Variants in GAS2 observed in about 807,000 individuals in gnomAD.
GAS2 encodes the protein growth arrest specific 2, also known as growth arrest-specific protein 2.
In GAS2, 20 loss-of-function variants were observed where a neutral mutation model predicts 37.5. The observed-to-expected ratio is 0.53, with a 90% CI of 0.37 to 0.77. The LOEUF (loss-of-function observed/expected upper bound fraction) is 0.77. Ranked by LOEUF, GAS2 falls within the 30% of genes least tolerant of loss-of-function variation. GAS2 has a pLI of 0.00. For synonymous variants in GAS2, 144 were observed against 132.2 expected, an observed-to-expected ratio of 1.09 and a Z score of -0.61; for missense variants, 336 against 373.4, an observed-to-expected ratio of 0.90 and a Z score of 0.82.
intron 3 of GAS2, among the ~76,000 whole-genome samples, chr11:22,717,758 C>T (rs1851749958): frequency 7.6e-6 from 1 of 132,356 alleles, no homozygotes; most frequent in South Asian, 2.8e-4. Context: ...CTACAAGGAA[C>T]TCAAACAAAT....
chr11:22,785,350 C>A (rs1855771295), intron 7 of GAS2, among the ~76,000 whole-genome samples: 3 of 152,100 alleles, frequency 2.0e-5, no homozygotes, highest in African/African-American at 7.2e-5. Context: ...CCTACCTAGC[C>A]TGTCTGATTC....
In GAS2 at chr11:22,812,791, T is replaced by C. The variant is rs1197084133; in HGVS notation, c.*775T>C. 1.3e-5 allele frequency: 2 copies of C among 152,624 alleles called. No individual in the cohort carries two copies. Among genetic ancestry groups the C allele is most frequent in the Non-Finnish European group, 2.9e-5 (2 of 68,008 alleles). The allele number at this position is 152,624 out of a possible 1,614,324, so 9.5% of individuals were successfully genotyped here. On this transcript the variant is annotated 3_prime_UTR_variant, in exon 8 of 8. Coordinates refer to ENST00000454584, the MANE Select transcript of GAS2 (RefSeq NM_001143830.3). ...TACAGTCAAATGTTCATTGATTTCA[T>C]GTTATTTCAAAGCATTTTCTTATTA...
intron 4 of GAS2, among the ~76,000 whole-genome samples, chr11:22,732,770 T>TATCATC (rs35919121): frequency 0.099 from 14,461 of 145,794 alleles, 804 homozygotes; most frequent in South Asian, 0.14. Context: ...CCCCTCCATT[T>TATCATC]ATCATCATCA....
intron 5 of GAS2, among the ~76,000 whole-genome samples, chr11:22,748,542 C>G (rs1278755810): frequency 6.6e-6 from 1 of 151,950 alleles, no homozygotes; most frequent in East Asian, 1.9e-4. Flanking sequence ...AGTTGTTTCC[C>G]AAAACAATAT....
intron 7 of GAS2, among the ~76,000 whole-genome samples, chr11:22,772,935 A>T (rs1855061452): frequency 6.6e-6 from 1 of 152,196 alleles, no homozygotes. Flanking sequence ...GCTGAGCTAC[A>T]CCAGTGGGCT....
At position 22,738,688 on chromosome 11, in the gene GAS2, A is replaced by G. The variant is rs947540959; in HGVS notation, c.473+920A>G. On this transcript the variant is annotated intron_variant, in intron 5 of 7. Transcript: ENST00000454584. Reference sequence around the variant, plus strand: ...AAATCAAGAAAAAAAATAGGTGAACACACCAGCAATTTACAACTTGGCTAG... The same window carrying G: ...AAATCAAGAAAAAAAATAGGTGAACGCACCAGCAATTTACAACTTGGCTAG... 2.6e-5 allele frequency among the ~76,000 whole-genome samples: 4 copies of G among 152,354 alleles called. No individual in the cohort carries two copies. In the East Asian group the frequency reaches 7.7e-4, roughly 29 times the overall value.
chr11:22,789,423 G>GATATATATATAT lies in GAS2; in HGVS notation c.724-22374_724-22373insTATATATATATA, dbSNP rs1491294585. 3.4e-4 allele frequency among the ~76,000 whole-genome samples: 24 copies of GATATATATATAT among 71,162 alleles called. No individual in the cohort carries two copies. The East Asian group carries it at 5.9e-3, about 18-fold the overall frequency. The allele number at this position is 71,162 out of a possible 152,430, so 46.7% of individuals were successfully genotyped here. A position where few individuals can be genotyped will look rare whatever the true frequency, so the allele number is the denominator to read the frequency against. On this transcript the variant is annotated intron_variant, in intron 7 of 7. Transcript: ENST00000454584. ...GTGTGTATGTGTGTGTATCTCATAT[G>GATATATATATAT]AGATATATATATATATATATATATA... is the stretch of plus-strand genomic sequence containing the variant.
intron 7 of GAS2, among the ~76,000 whole-genome samples, chr11:22,806,291 T>C (rs1856881630): frequency 6.6e-6 from 1 of 152,176 alleles, no homozygotes; most frequent in Non-Finnish European, 1.5e-5. Flanking sequence ...TTCTGTATTA[T>C]GGCTGAGTAG....
At chr11:22,725,590 T>C (rs1852161424) in intron 3 of GAS2, among the ~76,000 whole-genome samples, 1 of 152,018 alleles carries the variant, frequency 6.6e-6, no homozygotes, top group African/African-American at 2.4e-5. Flanking sequence ...AATACCTGGC[T>C]AATTTTTACT....
At chr11:22,644,662 C>T (rs941863744) in intron 1 of GAS2, among the ~76,000 whole-genome samples, 3 of 143,266 alleles carry the variant, frequency 2.1e-5, no homozygotes, top group Non-Finnish European at 3.1e-5. Flanking sequence ...GCTTTGTCAC[C>T]CAGGCTGCAG....
chr11:22,641,224 G>A (rs1848621573), intron 1 of GAS2, among the ~76,000 whole-genome samples: 6 of 133,964 alleles, frequency 4.5e-5, no homozygotes, highest in African/African-American at 1.3e-4. Context: ...ATATATGTGT[G>A]TGTGTATATA....
chr11:22,635,554 G>T (rs146888348), intron 1 of GAS2, among the ~76,000 whole-genome samples: 1 of 152,212 alleles, frequency 6.6e-6, no homozygotes, highest in Non-Finnish European at 1.5e-5. Context: ...CAGTAAAGGT[G>T]GCTTTCAAGC....
intron 1 of GAS2, among the ~76,000 whole-genome samples, chr11:22,651,678 A>G (rs931187518): frequency 6.6e-6 from 1 of 151,928 alleles, no homozygotes; most frequent in Non-Finnish European, 1.5e-5. Context: ...TTCATCTTAC[A>G]TCGCTGATAC....
At chr11:22,782,197 A>G (rs1855585398) in intron 7 of GAS2, among the ~76,000 whole-genome samples, 1 of 152,128 alleles carries the variant, frequency 6.6e-6, no homozygotes, top group African/African-American at 2.4e-5. Flanking sequence ...TCCCTCATCT[A>G]TATAAAGGGG....
At position 22,789,423 on chromosome 11, in the gene GAS2, GAGATATATATATATAT is replaced by G. The variant is rs1856009484; in HGVS notation, c.724-22373_724-22358del. Among the ~76,000 whole-genome samples, 4 of 71,174 alleles carry G rather than the reference GAGATATATATATATAT, an allele frequency of 5.6e-5. 1 individual carries two copies. In the East Asian group the frequency reaches 1.0e-3, roughly 18 times the overall value. 46.7% of individuals were successfully genotyped at this position (71,174 alleles called of 152,430 possible). The stretch of plus-strand genomic sequence containing the variant: ...GTGTGTATGTGTGTGTATCTCATAT[GAGATATATATATATAT>G]ATATATATATATATATTCTTTTTTT... On this transcript the variant is annotated intron_variant, in intron 7 of 7. Coordinates refer to ENST00000454584, the MANE Select transcript of GAS2 (RefSeq NM_001143830.3).
At chr11:22,800,873 G>A (rs534215231) in intron 7 of GAS2, among the ~76,000 whole-genome samples, 3 of 152,084 alleles carry the variant, frequency 2.0e-5, no homozygotes, top group South Asian at 2.1e-4. Context: ...GGTTTTGCTT[G>A]TTTGTTGTTT....
intron 1 of GAS2, among the ~76,000 whole-genome samples, chr11:22,645,195 C>A (rs1743103206): frequency 6.6e-6 from 1 of 151,958 alleles, no homozygotes; most frequent in South Asian, 2.1e-4. Flanking sequence ...AGCAGTGATA[C>A]TAATAAAGGC....
intron 7 of GAS2, among the ~76,000 whole-genome samples, chr11:22,781,315 G>A (rs1451835861): frequency 6.6e-6 from 1 of 152,198 alleles, no homozygotes; most frequent in Non-Finnish European, 1.5e-5. Flanking sequence ...AGGCCACGTG[G>A]AGAGTTAGAT....
chr11:22,811,775 C>G (rs1410511357), intron 7 of GAS2, 23 bp from the exon 8 acceptor site: 1 of 1,606,634 alleles, frequency 6.2e-7, no homozygotes, highest in Admixed American at 1.7e-5. Flanking sequence ...GAATTTAACA[C>G]TTTTGATATT....
Sources: gnomAD v4.1 joint callset for allele counts (sites outside exome capture counted in the v4.1 genomes callset) on GRCh38, gnomAD v4.1.1 for gene constraint, MANE v1.5 for transcripts, NCBI Gene and HGNC (gene_info 2026-07-23, HGNC 2026-07-21) for gene names.